The following NRG3 variants were observed in gnomAD, a reference collection of about 807,000 sequenced individuals.
NRG3 encodes the protein pro-neuregulin-3, membrane-bound isoform.
Under a neutral mutation model 66.9 loss-of-function variants are expected in NRG3, and 31 were observed. The ratio of observed to expected loss-of-function variants is 0.46; its 90% CI spans 0.35 to 0.63. The LOEUF is 0.63. NRG3 is among the 20% of genes least tolerant of loss of function. NRG3 has a pLI of 0.00. For missense variants in NRG3, 910 were observed against 878.9 expected (o/e 1.04, Z -0.45); for synonymous variants, 393 against 359.4 (o/e 1.09, Z -1.06).
At chr10:82,612,399 A>G (rs2048369006) in intron 2 of NRG3, among the ~76,000 whole-genome samples, 2 of 152,164 alleles carry the variant, frequency 1.3e-5, no homozygotes, top group Admixed American at 1.3e-4. Context: ...GTAGATAGCA[A>G]GATCCAGTAA....
At chr10:82,841,341 T>C (rs943902802) in intron 3 of NRG3, among the ~76,000 whole-genome samples, 1 of 152,174 alleles carries the variant, frequency 6.6e-6, no homozygotes. Flanking sequence ...CCTGGGAAAT[T>C]AATACCCCAC....
chr10:82,718,598 A>C (rs889602852), intron 2 of NRG3, among the ~76,000 whole-genome samples: 4 of 152,176 alleles, frequency 2.6e-5, no homozygotes, highest in Non-Finnish European at 5.9e-5. Flanking sequence ...AATTATTCCA[A>C]ATCTCCATTT....
chr10:82,345,580 G>C (rs997076263), intron 1 of NRG3, among the ~76,000 whole-genome samples: 17 of 151,488 alleles, frequency 1.1e-4, no homozygotes, highest in Admixed American at 2.0e-4. Context: ...CTTTAAAGTA[G>C]TTTTTTCCAA....
At chr10:82,756,768 A>T (rs2059095806) in intron 3 of NRG3, among the ~76,000 whole-genome samples, 1 of 152,076 alleles carries the variant, frequency 6.6e-6, no homozygotes, top group Admixed American at 6.6e-5. Flanking sequence ...GGTTTTCAGG[A>T]ATATATTCAT....
chr10:82,839,541 T>C (rs931710349), intron 3 of NRG3, among the ~76,000 whole-genome samples: 4 of 151,680 alleles, frequency 2.6e-5, no homozygotes, highest in Non-Finnish European at 4.4e-5. Context: ...TTTTCTTTTA[T>C]ATTTTTTAAT....
chr10:81,932,835 A>C (rs768200731), intron 1 of NRG3, among the ~76,000 whole-genome samples: 1 of 152,112 alleles, frequency 6.6e-6, no homozygotes, highest in Non-Finnish European at 1.5e-5. Flanking sequence ...CTGGTCAGGC[A>C]CGGTGGCTCA....
intron 1 of NRG3, among the ~76,000 whole-genome samples, chr10:81,934,461 C>T (rs1847676610): frequency 6.6e-6 from 1 of 152,158 alleles, no homozygotes; most frequent in East Asian, 1.9e-4. Flanking sequence ...CTGTGACACA[C>T]ATAAAGCTTC....
At chr10:82,340,812 CAGAG>C (rs1366789464) in intron 1 of NRG3, 1 of 151,996 alleles carries the variant, frequency 6.6e-6, no homozygotes, top group Non-Finnish European at 1.5e-5. Context: ...GGGAACAATA[CAGAG>C]AAAGTTGTCA....
intron 1 of NRG3, among the ~76,000 whole-genome samples, chr10:82,015,957 T>C (rs562174955): frequency 3.3e-5 from 5 of 151,112 alleles, no homozygotes; most frequent in African/African-American, 1.2e-4. Context: ...ATCATCATTT[T>C]CATTGATGTT....
At chr10:82,064,211 A>G (rs2064318202) in intron 1 of NRG3, among the ~76,000 whole-genome samples, 1 of 152,194 alleles carries the variant, frequency 6.6e-6, no homozygotes, top group Non-Finnish European at 1.5e-5. Context: ...AATCCTGCAT[A>G]GCTTATAGTC....
intron 2 of NRG3, among the ~76,000 whole-genome samples, chr10:82,411,386 G>C (rs2088074625): frequency 6.6e-6 from 1 of 152,164 alleles, no homozygotes; most frequent in Admixed American, 6.6e-5. Flanking sequence ...ACAAGCTCTT[G>C]CTGGGAGGAA....
chr10:82,205,861 CTT>C (rs1221252997), intron 1 of NRG3, among the ~76,000 whole-genome samples: 1 of 152,132 alleles, frequency 6.6e-6, no homozygotes, highest in Non-Finnish European at 1.5e-5. Flanking sequence ...GGTTTTCTGC[CTT>C]TTCTTTGTTA....
intron 2 of NRG3, among the ~76,000 whole-genome samples, chr10:82,367,205 A>G (rs1383599554): frequency 6.6e-6 from 1 of 152,208 alleles, no homozygotes; most frequent in Non-Finnish European, 1.5e-5. Context: ...TAAAATGGGG[A>G]TGATGATAAC....
intron 4 of NRG3, among the ~76,000 whole-genome samples, chr10:82,918,844 T>C (rs1181320915): frequency 3.3e-5 from 5 of 152,234 alleles, no homozygotes; most frequent in Non-Finnish European, 7.3e-5. Context: ...GTGTAATTTT[T>C]TTAGATTAAA....
chr10:82,154,732 CTTTAA>C (rs961151837), intron 1 of NRG3, among the ~76,000 whole-genome samples: 2 of 151,404 alleles, frequency 1.3e-5, no homozygotes, highest in African/African-American at 4.8e-5. Context: ...TACATGTTGC[CTTTAA>C]TTTATTTTAT....
chr10:82,107,830 A>G (rs1477107658), intron 1 of NRG3, among the ~76,000 whole-genome samples: 1 of 152,266 alleles, frequency 6.6e-6, no homozygotes, highest in Non-Finnish European at 1.5e-5. Flanking sequence ...TAAAAAACAG[A>G]GTAAACAGTT....
At chr10:82,444,095 T>A (rs905553487) in intron 2 of NRG3, among the ~76,000 whole-genome samples, 5 of 152,144 alleles carry the variant, frequency 3.3e-5, no homozygotes, top group African/African-American at 7.2e-5. Flanking sequence ...TTAAAAAAAA[T>A]TTGTTGTTTG....
chr10:82,633,221 A>G lies in NRG3; in HGVS notation c.954-105356A>G, dbSNP rs112509071. 5.0e-3 allele frequency among the ~76,000 whole-genome samples: 760 copies of G among 152,316 alleles called. 3 individuals carry two copies. Among genetic ancestry groups the G allele is most frequent in the African/African-American group, 0.017 (718 of 41,568 alleles). On this transcript the variant is annotated intron_variant, in intron 2 of 8. Transcript: ENST00000372141. ...TGCATTTGCTAGAACTGGGTCACAT[A>G]TATATGCTTAGTGGCAAGAGGTGTT...
chr10:82,920,407 C>T (rs984649326), intron 4 of NRG3, among the ~76,000 whole-genome samples: 2 of 152,012 alleles, frequency 1.3e-5, no homozygotes, highest in Non-Finnish European at 2.9e-5. Flanking sequence ...GAGTTGGATA[C>T]AACAGCATGA....
Sources: allele counts gnomAD v4.1 joint callset (sites outside exome capture counted in the v4.1 genomes callset), GRCh38; gene constraint gnomAD v4.1.1; transcripts MANE v1.5; gene names NCBI Gene and HGNC (gene_info 2026-07-23, HGNC 2026-07-21).